KRT9: variants seen among roughly 807,000 people sequenced by gnomAD.
KRT9 encodes the protein keratin, type I cytoskeletal 9.
KRT9 carries 34 observed loss-of-function variants against 51.4 expected under a neutral mutation model. That is an observed-to-expected ratio of 0.66 (90% CI 0.50 to 0.88). KRT9 has a LOEUF of 0.88. KRT9 is among the 40% of genes least tolerant of loss of function. KRT9 has a pLI of 0.00. For missense variants in KRT9, 753 were observed against 790.3 expected (o/e 0.95, Z 0.57); for synonymous variants, 292 against 289.7 (o/e 1.01, Z -0.08).
chr17:41,570,092 G>A (rs1907027545), intron 2 of KRT9, 46 bp downstream of exon 2: 2 of 1,612,472 alleles, frequency 1.2e-6, no homozygotes, highest in Non-Finnish European at 1.7e-6. Flanking sequence ...CTGAGGTTCA[G>A]GGGTAAGGGC....
chr17:41,570,913 T>C (rs1597794327), intron 1 of KRT9, among the ~76,000 whole-genome samples: 1 of 152,200 alleles, frequency 6.6e-6, no homozygotes, highest in Non-Finnish European at 1.5e-5. Flanking sequence ...ATAGCTTCCA[T>C]TCCCAGATTT....
intron 1 of KRT9, among the ~76,000 whole-genome samples, chr17:41,570,866 G>T (rs1474026435): frequency 6.6e-6 from 1 of 152,212 alleles, no homozygotes; most frequent in African/African-American, 2.4e-5. Context: ...CATGTGGGTG[G>T]AGGGAGGAAG....
At position 41,571,576 on chromosome 17, in the gene KRT9, A is replaced by T. The variant is rs1350146075; in HGVS notation, c.417T>A (p.Gly139=). Reference sequence around the variant, plus strand: ...TACCACCATCACCTCCTCCAGCACCACCTCCAAAGCCCCCAAACCCCCCAA... The same window carrying T: ...TACCACCATCACCTCCTCCAGCACCTCCTCCAAAGCCCCCAAACCCCCCAA... ...SGFGGFGGFG[G]GAGGGDGGIL... is the part of the protein sequence containing the mutation. The change falls in exon 1 of 8, where the codon GGT becomes GGA. Residue 139 remains glycine, a synonymous_variant. Transcript: ENST00000246662. 1.2e-6 allele frequency: 2 copies of T among 1,607,270 alleles called. No individual in the cohort carries two copies. Among genetic ancestry groups the T allele is most frequent in the Non-Finnish European group, 1.7e-6 (2 of 1,176,240 alleles).
chr17:41,569,720 G>A (rs992550642), intron 3 of KRT9, 133 bp from the exon 4 acceptor site: 4 of 1,468,318 alleles, frequency 2.7e-6, no homozygotes, highest in Admixed American at 1.7e-5. Flanking sequence ...ACTACCATAG[G>A]TGATGCCAAG....
intron 1 of KRT9, 124 bp downstream of exon 1, chr17:41,571,227 G>A (rs570704572): frequency 2.8e-5 from 26 of 942,524 alleles, no homozygotes; most frequent in African/African-American, 6.5e-5. Flanking sequence ...TGATGAAAGC[G>A]TACATTTCCA....
At position 41,570,228 on chromosome 17, in the gene KRT9, A is replaced by G. The variant is rs755779365; in HGVS notation, c.643-8T>C. 6.2e-7 allele frequency: 1 copy of G among 1,613,188 alleles called. No homozygotes were observed. Among genetic ancestry groups the G allele is most frequent in the Admixed American group, 1.7e-5 (1 of 60,028 alleles). ...CACTGTCAGGTCCACAATCTGAAAA[A>G]AAAAGGACACAGCCATGATATCATG... On this transcript the variant is annotated splice_region_variant and splice_polypyrimidine_tract_variant and intron_variant, in intron 1 of 7. Coordinates refer to ENST00000246662, the MANE Select transcript of KRT9 (RefSeq NM_000226.4).
Position 41,567,110 on chromosome 17 carries a change from T to C in KRT9, c.*40+123A>G, listed in dbSNP as rs533022405. 274 of 1,498,350 alleles carry C rather than the reference T, an allele frequency of 1.8e-4. 2 individuals carry two copies. The South Asian group carries it at 2.0e-3, about 11-fold the overall frequency. 92.8% of individuals were successfully genotyped at this position (1,498,350 alleles called of 1,614,324 possible). ...CAAGGGTAGGTCTCTGACACCTCACTAGAGATTTCCCTAACATCTAGCTCT... is the reference window on the plus strand; with the variant it reads ...CAAGGGTAGGTCTCTGACACCTCACCAGAGATTTCCCTAACATCTAGCTCT... On this transcript the variant is annotated intron_variant, in intron 7 of 7. Coordinates refer to ENST00000246662, the MANE Select transcript of KRT9 (RefSeq NM_000226.4).
chr17:41,567,790 C>T lies in KRT9; in HGVS notation c.1395-40G>A, dbSNP rs747517415. The T allele has an allele frequency of 1.9e-6, 3 of 1,613,072 alleles. No homozygotes were observed. In the African/African-American group the frequency reaches 4.0e-5, roughly 22 times the overall value. On this transcript the variant is annotated intron_variant, in intron 6 of 7. Transcript: ENST00000246662. ...AAACAAGAGAGTTAAAATGAGCGGC[C>T]CCCATACACATATATGAGGATGGAC... is the stretch of plus-strand genomic sequence containing the variant.
rs1597794078 is a variant in KRT9, at chr17:41,570,184, GGA to G, written c.677_678del (p.Leu226ProfsTer4). On this transcript the variant is annotated frameshift_variant, in exon 2 of 8. Transcript: ENST00000246662. LOFTEE classifies it high-confidence loss of function. ...GTCATGCGAGTGTTGTCAATGTCCA[GGA>G]GAGTTTTGTTGTTGCCCACTGTCAG... is the stretch of plus-strand genomic sequence containing the variant. ...VDLTVGNNKTLLDIDNTRMTL... is the reference protein window; with the variant it reads ...VDLTVGNNKTXLDIDNTRMTL... 2.5e-6 allele frequency: 4 copies of G among 1,614,136 alleles called. No individual in the cohort carries two copies. The highest frequency in any genetic ancestry group is 2.2e-5 in the East Asian group (1 of 44,876).
intron 3 of KRT9, 85 bp from the exon 4 acceptor site, chr17:41,569,672 AC>A: frequency 1.9e-6 from 3 of 1,563,236 alleles, no homozygotes; most frequent in Non-Finnish European, 2.6e-6. Context: ...CCCCCAGGGT[AC>A]AAAAAGGGGA....
rs140848159 is a variant in KRT9, at chr17:41,571,578, C to T, written c.415G>A (p.Gly139Ser). Residue 139 changes from glycine to serine, a missense_variant, in exon 1 of 8, where the codon GGT (glycine) becomes AGT (serine). Physicochemically the swap from Gly to Ser is moderately conservative, Grantham distance 56 (BLOSUM62 0). This residue lies in a region of KRT9 where 241 missense variants were observed against 210.3 expected (regional missense o/e 1.15). Transcript: ENST00000246662. ...CCACCATCACCTCCTCCAGCACCAC[C>T]TCCAAAGCCCCCAAACCCCCCAAAC... ...SGFGGFGGFG[G>S]GAGGGDGGIL... The T allele has an allele frequency of 1.9e-6, 3 of 1,608,440 alleles. No homozygotes were observed. The highest frequency in any genetic ancestry group is 2.5e-6 in the Non-Finnish European group (3 of 1,176,606).
At position 41,571,883 on chromosome 17, in the gene KRT9, G is replaced by T; in HGVS notation, c.110C>A (p.Ser37Tyr). The T allele has an allele frequency of 6.2e-7, 1 of 1,611,014 alleles. No individual in the cohort carries two copies. Among genetic ancestry groups the T allele is most frequent in the Non-Finnish European group, 8.5e-7 (1 of 1,178,688 alleles). The change falls in exon 1 of 8, where the codon TCC becomes TAC. Residue 37 changes from serine to tyrosine, a missense_variant. By Grantham distance (144) the Ser-to-Tyr change is moderately radical. Transcript: ENST00000246662. The part of the protein sequence containing the change: ...SIRSSYSRFS[S>Y]SGGGGGGGRF... ...GCCCCCTCCTCCACCGCCCCCTGAG[G>T]AGCTGAAGCGGCTGTAGGAAGACCT...
In KRT9 at chr17:41,568,609, A is replaced by T. The variant is rs146440373; in HGVS notation, c.1069T>A (p.Ser357Thr). 4 of 1,614,086 alleles carry T rather than the reference A, an allele frequency of 2.5e-6. No homozygotes were observed. The highest frequency in any genetic ancestry group is 1.1e-5 in the South Asian group (1 of 91,076). The change falls in exon 5 of 8, where the codon TCC (serine) becomes ACC (threonine). Residue 357 changes from serine to threonine, a missense_variant. By Grantham distance (58) the Ser-to-Thr change is moderately conservative (BLOSUM62 1). Coordinates refer to ENST00000246662, the MANE Select transcript of KRT9 (RefSeq NM_000226.4). Reference sequence around the variant, plus strand: ...GACTGCACCTCCTGACCACTACTGGATACCTCATGCTCGATCTGGGTTATC... The same window carrying T: ...GACTGCACCTCCTGACCACTACTGGTTACCTCATGCTCGATCTGGGTTATC... The part of the protein sequence containing the change: ...TQITQIEHEV[S>T]SSGQEVQSSA...
At chr17:41,569,658 G>C in intron 3 of KRT9, 71 bp from the exon 4 acceptor site, 1 of 1,583,010 alleles carries the variant, frequency 6.3e-7, no homozygotes, top group Admixed American at 1.7e-5. Flanking sequence ...TTCTCCCTCT[G>C]GTCCCCCCAG....
intron 4 of KRT9, 110 bp from the exon 5 acceptor site, chr17:41,568,743 G>A: frequency 7.1e-7 from 1 of 1,417,372 alleles, no homozygotes; most frequent in South Asian, 1.2e-5. Flanking sequence ...CTGATCTGAA[G>A]CCAATGACAA....
chr17:41,568,723 AG>A, intron 4 of KRT9, 90 bp from the exon 5 acceptor site: 1 of 1,539,864 alleles, frequency 6.5e-7, no homozygotes, highest in South Asian at 1.1e-5. Context: ...CTTCACCTCC[AG>A]GGCCAAGGCT....
At position 41,571,718 on chromosome 17, in the gene KRT9, C is replaced by T. The variant is rs777762700; in HGVS notation, c.275G>A (p.Gly92Asp). Residue 92 changes from glycine (G) to aspartate (D), a missense_variant, in exon 1 of 8, where the codon GGT (glycine) becomes GAT (aspartate). By Grantham distance (94) the Gly-to-Asp change is moderately conservative. This residue lies in a region of KRT9 where 241 missense variants were observed against 210.3 expected (regional missense o/e 1.15). Transcript: ENST00000246662. ...SASSLGGGFG[G>D]GSRGFGGASG... ...AGCACCACCAAAACCTCTGGAACCA[C>T]CCCCAAAGCCACCGCCTAAACTACT... 7.4e-6 allele frequency: 12 copies of T among 1,611,652 alleles called. 1 individual carries two copies. Among genetic ancestry groups the T allele is most frequent in the Middle Eastern group, 3.3e-4 (2 of 6,082 alleles).
rs1465898106 is a variant in KRT9, at chr17:41,571,545, T to G, written c.448A>C (p.Thr150Pro). The G allele has an allele frequency of 2.5e-6, 4 of 1,613,510 alleles. No homozygotes were observed. ...GAGGGDGGIL[T>P]ANEKSTMQEL... The stretch of plus-strand genomic sequence containing the variant: ...TGCATGGTGCTCTTCTCATTAGCAG[T>G]CAGAATACCACCATCACCTCCTCCA... Residue 150 changes from threonine (T) to proline (P), a missense_variant, in exon 1 of 8, where the codon ACT becomes CCT. By Grantham distance (38) the Thr-to-Pro change is conservative. This residue lies in a region of KRT9 where 241 missense variants were observed against 210.3 expected (regional missense o/e 1.15). Transcript: ENST00000246662.
At position 41,567,725 on chromosome 17, in the gene KRT9, C is replaced by A; in HGVS notation, c.1420G>T (p.Gly474Cys). 6.2e-7 allele frequency: 1 copy of A among 1,614,200 alleles called. No homozygotes were observed. The highest frequency in any genetic ancestry group is 1.3e-5 in the African/African-American group (1 of 75,042). Residue 474 changes from glycine (G) to cysteine (C), a missense_variant, in exon 7 of 8, where the codon GGC becomes TGC. Around this residue, in one of 3 missense-constraint regions of KRT9, gnomAD observed 507 missense variants for 563.7 expected, o/e 0.90. Coordinates refer to ENST00000246662, the MANE Select transcript of KRT9 (RefSeq NM_000226.4). ...DFESSGAGKIGLGGRGGSGGS... is the reference protein window; with the variant it reads ...DFESSGAGKICLGGRGGSGGS... ...CCACTTCCTCCTCGACCTCCAAGGC[C>A]AATTTTTCCAGCTCCGGAGGATTCA...
Sources: allele counts gnomAD v4.1 joint callset (sites outside exome capture counted in the v4.1 genomes callset), GRCh38; gene constraint gnomAD v4.1.1; regional missense constraint gnomAD v4.1.1; transcripts MANE v1.5; gene names NCBI Gene and HGNC (gene_info 2026-07-23, HGNC 2026-07-21).